The following INSL6 variants were observed in gnomAD, a reference collection of about 807,000 sequenced individuals.
The protein encoded by INSL6 is insulin like 6.
A neutral mutation model predicts 9.4 loss-of-function variants in INSL6; 16 were observed. The observed-to-expected ratio is 1.70, with a 90% CI of 1.15 to 2.59. INSL6 has a LOEUF of 2.59. Among genes scored for constraint, INSL6 ranks in the 30% most tolerant of loss-of-function variants. The probability of loss-of-function intolerance (pLI) is 0.00; values close to 1 mark genes in which losing one functional copy is unlikely to be tolerated. For synonymous variants in INSL6, 154 were observed against 96.9 expected (o/e 1.59, Z -3.46); for missense variants, 391 against 257.3 (o/e 1.52, Z -3.56).
At chr9:5,086,707 A>G in the INSL6 span, among the ~76,000 whole-genome samples, 3 of 152,148 alleles carry the variant, frequency 2.0e-5, no homozygotes, top group East Asian at 5.8e-4. Context: ...CTACCCTGAA[A>G]TCTCCCTGTC....
At chr9:5,033,246 T>C in the INSL6 span, among the ~76,000 whole-genome samples, 1 of 152,138 alleles carries the variant, frequency 6.6e-6, no homozygotes, top group Non-Finnish European at 1.5e-5. Flanking sequence ...TGGGACTATG[T>C]GAAAAGACCA....
At chr9:5,101,272 C>G in the INSL6 span, among the ~76,000 whole-genome samples, 1 of 152,262 alleles carries the variant, frequency 6.6e-6, no homozygotes. Context: ...CGGAGCCCTG[C>G]TCACTGCTAG....
chr9:5,131,004 C>G (rs1272179798), intron 3 of INSL6, among the ~76,000 whole-genome samples: 2 of 152,186 alleles, frequency 1.3e-5, no homozygotes, highest in African/African-American at 4.8e-5. Context: ...GTCGGGATTA[C>G]AGGCGTGAGC....
chr9:5,093,262 G>A, the INSL6 span, among the ~76,000 whole-genome samples: 1 of 152,032 alleles, frequency 6.6e-6, no homozygotes, highest in African/African-American at 2.4e-5. Context: ...AAAGGAACTC[G>A]GCAAATCTTA....
chr9:5,002,689 AT>A, the INSL6 span, among the ~76,000 whole-genome samples: 2 of 151,822 alleles, frequency 1.3e-5, no homozygotes, highest in African/African-American at 2.4e-5. Context: ...GATTAAAAAA[AT>A]TTTTTTTGTT....
At chr9:5,145,747 T>C (rs1824590541) in intron 2 of INSL6, among the ~76,000 whole-genome samples, 1 of 152,232 alleles carries the variant, frequency 6.6e-6, no homozygotes, top group Non-Finnish European at 1.5e-5. Flanking sequence ...TTTGGTCTAT[T>C]AATACTTGGG....
At chr9:5,129,362 A>AGCTT (rs1824199079) in intron 3 of INSL6, among the ~76,000 whole-genome samples, 1 of 152,152 alleles carries the variant, frequency 6.6e-6, no homozygotes, top group South Asian at 2.1e-4. Flanking sequence ...ATGTTGTGAT[A>AGCTT]GCTTACCTTC....
intron 2 of INSL6, among the ~76,000 whole-genome samples, chr9:5,153,071 A>G (rs1824742752): frequency 6.6e-6 from 1 of 151,774 alleles, no homozygotes; most frequent in Admixed American, 6.6e-5. Flanking sequence ...TCCAGTGCCT[A>G]CACCACCAGG....
the INSL6 span, chr9:5,054,997 A>G: frequency 1.3e-6 from 1 of 757,158 alleles, no homozygotes; most frequent in African/African-American, 1.8e-5. The surrounding 1 kb of genome is among the most constrained non-coding windows in gnomAD (Gnocchi z 4.9). Context: ...ATTTGATAGA[A>G]GTGGAAGTTT....
At chr9:5,004,462 G>T in the INSL6 span, among the ~76,000 whole-genome samples, 1 of 152,096 alleles carries the variant, frequency 6.6e-6, no homozygotes, top group African/African-American at 2.4e-5. Context: ...TAAATGACAA[G>T]ATTTTCTTCT....
At chr9:5,079,969 TTG>T in the INSL6 span, among the ~76,000 whole-genome samples, 1 of 152,182 alleles carries the variant, frequency 6.6e-6, no homozygotes, top group Non-Finnish European at 1.5e-5. Context: ...TGCTAACAAA[TTG>T]TGTGGCTTTG....
chr9:5,015,226 A>C, the INSL6 span, among the ~76,000 whole-genome samples: 1 of 152,202 alleles, frequency 6.6e-6, no homozygotes, highest in Non-Finnish European at 1.5e-5. Flanking sequence ...GCTGAGGCGC[A>C]ATGAATATTC....
the INSL6 span, among the ~76,000 whole-genome samples, chr9:5,051,650 A>C: frequency 6.6e-6 from 1 of 152,294 alleles, no homozygotes; most frequent in Non-Finnish European, 1.5e-5. Context: ...ATATATAAGA[A>C]TGGTTTAAGT....
At chr9:5,098,957 G>C in the INSL6 span, 1 of 152,102 alleles carries the variant, frequency 6.6e-6, no homozygotes, top group Non-Finnish European at 1.5e-5. Context: ...GCCTCCCAAA[G>C]TGCTGGGATT....
chr9:5,122,307 G>A (rs1411404139), downstream of INSL6, among the ~76,000 whole-genome samples: 2 of 152,144 alleles, frequency 1.3e-5, no homozygotes, highest in Non-Finnish European at 2.9e-5. Context: ...ATGCTTGAGT[G>A]AACAATGACA....
chr9:5,149,358 C>G (rs2130893551), intron 2 of INSL6, among the ~76,000 whole-genome samples: 1 of 151,824 alleles, frequency 6.6e-6, no homozygotes, highest in East Asian at 1.9e-4. Context: ...GGTGTAGTCT[C>G]TGTGTAAATG....
chr9:5,029,465 G>A, the INSL6 span, among the ~76,000 whole-genome samples: 13 of 152,158 alleles, frequency 8.5e-5, no homozygotes, highest in African/African-American at 1.9e-4. Context: ...AAGTGAGCAC[G>A]TGCTGTTGGA....
the INSL6 span, chr9:5,080,431 T>G: frequency 3.9e-5 from 61 of 1,551,566 alleles, no homozygotes; most frequent in South Asian, 7.4e-4. Context: ...AACTTTCATA[T>G]TTCTTTCACA....
chr9:5,010,502 G>C, the INSL6 span, among the ~76,000 whole-genome samples: 1 of 151,962 alleles, frequency 6.6e-6, no homozygotes, highest in Non-Finnish European at 1.5e-5. Context: ...TATATTTTTA[G>C]TACAGACAGG....
Sources: allele counts gnomAD v4.1 joint callset (sites outside exome capture counted in the v4.1 genomes callset), GRCh38; gene constraint gnomAD v4.1.1; non-coding constraint Gnocchi (gnomAD v3.1); transcripts MANE v1.5; gene names NCBI Gene and HGNC (gene_info 2026-07-23, HGNC 2026-07-21).